The following GTF3C4 variants were observed in gnomAD, a reference collection of about 807,000 sequenced individuals.
GTF3C4 encodes general transcription factor IIIC subunit 4, also known as general transcription factor 3C polypeptide 4.
In GTF3C4, 28 loss-of-function variants were observed where a neutral mutation model predicts 67.5. That is an observed-to-expected ratio of 0.41 (90% CI 0.31 to 0.57). The LOEUF (loss-of-function observed/expected upper bound fraction) is 0.57. Among genes scored for constraint, GTF3C4 ranks in the 20% least tolerant of loss-of-function variants. The pLI is 0.21. For synonymous variants in GTF3C4, 409 were observed against 393.0 expected (o/e 1.04, Z -0.48); for missense variants, 831 against 1,033.2 (o/e 0.80, Z 2.68).
intron 1 of GTF3C4, among the ~76,000 whole-genome samples, chr9:132,675,647 G>C (rs1365266731): frequency 1.3e-5 from 2 of 152,150 alleles, no homozygotes; most frequent in Non-Finnish European, 2.9e-5. Flanking sequence ...GAGGCATTTA[G>C]TGTCCTCGTG....
chr9:132,678,302 C>A lies in GTF3C4; in HGVS notation c.683C>A (p.Ala228Asp). Residue 228 changes from alanine (A) to aspartate (D), a missense_variant, in exon 2 of 5, where the codon GCC (alanine) becomes GAC (aspartate). Physicochemically the swap from Ala to Asp is moderately radical, Grantham distance 126. Around this residue, in one of 4 missense-constraint regions of GTF3C4, gnomAD observed 390 missense variants for 540.3 expected, o/e 0.72. Coordinates refer to ENST00000372146, the MANE Select transcript of GTF3C4 (RefSeq NM_012204.4). The surrounding 1 kb of genome is among the most constrained non-coding windows in gnomAD (Gnocchi z 6.5). ...AGTTACAGGCTCTCTAAAAATGAGGCCCCGGAAGGAAATCTCGGGGATTTT... is the reference window on the plus strand; with the variant it reads ...AGTTACAGGCTCTCTAAAAATGAGGACCCGGAAGGAAATCTCGGGGATTTT... Reference protein sequence around the residue: ...ETSYRLSKNEAPEGNLGDFAE... With the variant: ...ETSYRLSKNEDPEGNLGDFAE... The A allele has an allele frequency of 6.2e-7, 1 of 1,614,130 alleles. No homozygotes were observed. Among genetic ancestry groups the A allele is most frequent in the Non-Finnish European group, 8.5e-7 (1 of 1,180,018 alleles).
chr9:132,670,891 C>A lies in GTF3C4; in HGVS notation c.293C>A (p.Pro98Gln). Residue 98 changes from proline to glutamine, a missense_variant, in exon 1 of 5, where the codon CCG becomes CAG. Transcript: ENST00000372146. ...VLELICDVHN[P>Q]GQDLVIHRTS... ...GAGCTCATCTGCGACGTGCACAACC[C>A]GGGCCAGGACCTGGTTATCCACCGC... The A allele has an allele frequency of 6.2e-7, 1 of 1,612,546 alleles. No homozygotes were observed. Among genetic ancestry groups the A allele is most frequent in the Non-Finnish European group, 8.5e-7 (1 of 1,179,936 alleles).
rs531627433 is a variant in GTF3C4, at chr9:132,674,478, C to T, written c.358-3499C>T. Among the ~76,000 whole-genome samples, 6 of 152,300 alleles carry T rather than the reference C, an allele frequency of 3.9e-5. No homozygotes were observed. In the East Asian group the frequency reaches 9.6e-4, roughly 24 times the overall value. The stretch of plus-strand genomic sequence containing the variant: ...GCTCTCCATCCTGTCAAGAATTCTT[C>T]CCACAATGAGTAGGACCAAGGGTTG... On this transcript the variant is annotated intron_variant, in intron 1 of 4. Transcript: ENST00000372146.
chr9:132,685,262 C>G (rs1445997128), intron 3 of GTF3C4, among the ~76,000 whole-genome samples: 1 of 151,788 alleles, frequency 6.6e-6, no homozygotes, highest in Admixed American at 6.6e-5. Flanking sequence ...CTCAAGTGAT[C>G]CACCCACCTT....
chr9:132,672,206 A>G (rs536213379), intron 1 of GTF3C4, among the ~76,000 whole-genome samples: 1 of 152,356 alleles, frequency 6.6e-6, no homozygotes, highest in South Asian at 2.1e-4. Flanking sequence ...AGGTGATTTA[A>G]AAGGTGTATC....
At position 132,678,993 on chromosome 9, in the gene GTF3C4, A is replaced by G; in HGVS notation, c.1374A>G (p.Ala458=). The G allele has an allele frequency of 1.9e-6, 3 of 1,614,206 alleles. No homozygotes were observed. Among genetic ancestry groups the G allele is most frequent in the Non-Finnish European group, 1.7e-6 (2 of 1,180,036 alleles). The part of the protein sequence containing the change: ...RQLIPIFTDV[A]LKFEHQLIKL... ...TGATTCCCATTTTCACAGATGTTGCATTGAAGTTTGAACACCAGTTGATTA... is the reference window on the plus strand; with the variant it reads ...TGATTCCCATTTTCACAGATGTTGCGTTGAAGTTTGAACACCAGTTGATTA... Residue 458 remains alanine (A), a synonymous_variant, in exon 2 of 5, where the codon GCA becomes GCG. Transcript: ENST00000372146. The surrounding 1 kb of genome is among the most constrained non-coding windows in gnomAD (Gnocchi z 6.5).
chr9:132,683,489 T>G, intron 2 of GTF3C4, 74 bp from the exon 3 acceptor site: 1 of 1,316,394 alleles, frequency 7.6e-7, no homozygotes, highest in Non-Finnish European at 1.1e-6. Context: ...TAATTTTCCC[T>G]TTGTGTTTGT....
rs1836085618 is a variant in GTF3C4 at position 132,689,707 on chromosome 9, C to T, written c.*762C>T. On this transcript the variant is annotated 3_prime_UTR_variant, in exon 5 of 5. Coordinates refer to ENST00000372146, the MANE Select transcript of GTF3C4 (RefSeq NM_012204.4). ...ACTGTAGTTCACCCACGCCACAGCCCTGCTTCAGACTTAACTGTGGTAGCC... is the reference window on the plus strand; with the variant it reads ...ACTGTAGTTCACCCACGCCACAGCCTTGCTTCAGACTTAACTGTGGTAGCC... 6.6e-6 allele frequency: 1 copy of T among 152,166 alleles called. No homozygotes were observed. Among genetic ancestry groups the T allele is most frequent in the African/African-American group, 2.4e-5 (1 of 41,420 alleles). 9.4% of individuals were successfully genotyped at this position (152,166 alleles called of 1,614,324 possible).
At position 132,683,691 on chromosome 9, in the gene GTF3C4, C is replaced by T. The variant is rs1835982477; in HGVS notation, c.2313C>T (p.Leu771=). 1.2e-6 allele frequency: 2 copies of T among 1,605,092 alleles called. No individual in the cohort carries two copies. The stretch of plus-strand genomic sequence containing the variant: ...TCTGTTCCAATGGCCACATTTGGCT[C>T]CGGTAAGCCATTTTAAAAGTTTCTA... The part of the protein sequence containing the change: ...QAVCSNGHIW[L]RCFLTYQSCQ... The change falls in exon 3 of 5, where the codon CTC becomes CTT. Residue 771 remains leucine (L), a splice_region_variant and synonymous_variant. Coordinates refer to ENST00000372146, the MANE Select transcript of GTF3C4 (RefSeq NM_012204.4).
upstream of GTF3C4, chr9:132,670,402 C>T (rs1292757974): frequency 1.8e-6 from 2 of 1,110,274 alleles, no homozygotes; most frequent in Non-Finnish European, 2.4e-6. Context: ...TGTCCTTTTT[C>T]TGGACAGGCA....
Position 132,691,358 on chromosome 9 carries a change from C to G in GTF3C4, c.*2413C>G, listed in dbSNP as rs979128367. On this transcript the variant is annotated 3_prime_UTR_variant, in exon 5 of 5. Coordinates refer to ENST00000372146, the MANE Select transcript of GTF3C4 (RefSeq NM_012204.4). Reference sequence around the variant, plus strand: ...CCAGACGTTTTTCAGGTGCCTCTTGCAATTCAAACTTACATCCTCTATACC... The same window carrying G: ...CCAGACGTTTTTCAGGTGCCTCTTGGAATTCAAACTTACATCCTCTATACC... 3 of 152,208 alleles carry G rather than the reference C, an allele frequency of 2.0e-5. No homozygotes were observed. In the South Asian group the frequency reaches 6.2e-4, roughly 32 times the overall value. The allele number at this position is 152,208 out of a possible 1,614,324, so 9.4% of individuals were successfully genotyped here. A position where few individuals can be genotyped will look rare whatever the true frequency, so the allele number is the denominator to read the frequency against.
In GTF3C4 at chr9:132,678,774, G is replaced by A. The variant is rs149313001; in HGVS notation, c.1155G>A (p.Lys385=). 5.6e-5 allele frequency: 90 copies of A among 1,614,154 alleles called. No individual in the cohort carries two copies. The African/African-American group carries it at 1.1e-3, about 20-fold the overall frequency. The change falls in exon 2 of 5, where the codon AAG becomes AAA. Residue 385 remains lysine, a synonymous_variant. Coordinates refer to ENST00000372146, the MANE Select transcript of GTF3C4 (RefSeq NM_012204.4). This position sits in a 1 kb window ranked among gnomAD's most constrained non-coding sequence, Gnocchi z 6.5. ...KCVPLYHPYQ[K]CSCSLVVAAR... ...TGCCACTTTATCATCCTTACCAGAA[G>A]TGTAGTTGCAGCTTAGTAGTGGCTG...
In GTF3C4 at chr9:132,694,834, C is replaced by T. The variant is rs946231890; in HGVS notation, c.*5889C>T. 1 of 152,174 alleles carries T rather than the reference C, an allele frequency of 6.6e-6. No homozygotes were observed. The highest frequency in any genetic ancestry group is 2.4e-5 in the African/African-American group (1 of 41,430). The allele number at this position is 152,174 out of a possible 1,614,324, so 9.4% of individuals were successfully genotyped here. On this transcript the variant is annotated 3_prime_UTR_variant, in exon 5 of 5. Coordinates refer to ENST00000372146, the MANE Select transcript of GTF3C4 (RefSeq NM_012204.4). ...GTTGCTGTGAATATGTAGTGCTGTA[C>T]ATAATGGCAGTTTTGTAAATGTGAG...
In GTF3C4 at chr9:132,693,771, C is replaced by G. The variant is rs1836155273; in HGVS notation, c.*4826C>G. 1 of 152,154 alleles carries G rather than the reference C, an allele frequency of 6.6e-6. No individual in the cohort carries two copies. Among genetic ancestry groups the G allele is most frequent in the African/African-American group, 2.4e-5 (1 of 41,438 alleles). 9.4% of individuals were successfully genotyped at this position (152,154 alleles called of 1,614,324 possible). ...GCAGACTGGTAAGGTTTAGGGTTCT[C>G]TCCACTAATGGAAAATTAAATGCTA... is the stretch of plus-strand genomic sequence containing the variant. On this transcript the variant is annotated 3_prime_UTR_variant, in exon 5 of 5. Coordinates refer to ENST00000372146, the MANE Select transcript of GTF3C4 (RefSeq NM_012204.4).
chr9:132,675,706 G>C (rs1265314077), intron 1 of GTF3C4, among the ~76,000 whole-genome samples: 2 of 152,136 alleles, frequency 1.3e-5, no homozygotes, highest in Non-Finnish European at 2.9e-5. Context: ...TCCAAAGCTT[G>C]TTTGGCCATA....
chr9:132,681,131 C>T (rs1378000608), intron 2 of GTF3C4, among the ~76,000 whole-genome samples: 1 of 152,166 alleles, frequency 6.6e-6, no homozygotes, highest in Non-Finnish European at 1.5e-5. Context: ...AACGTTGTTT[C>T]ATTGTGTTCC....
At chr9:132,672,642 C>A (rs187918662) in intron 1 of GTF3C4, among the ~76,000 whole-genome samples, 1 of 152,260 alleles carries the variant, frequency 6.6e-6, no homozygotes, top group East Asian at 1.9e-4. Context: ...TCTAGGAAGT[C>A]TTTAAGATGC....
At chr9:132,671,454 T>G (rs548794102) in intron 1 of GTF3C4, among the ~76,000 whole-genome samples, 1 of 152,320 alleles carries the variant, frequency 6.6e-6, no homozygotes, top group South Asian at 2.1e-4. Context: ...TTGTCTTAAT[T>G]GTTTCAGTGA....
intron 3 of GTF3C4, among the ~76,000 whole-genome samples, chr9:132,685,970 A>G (rs970529475): frequency 7.2e-5 from 11 of 152,254 alleles, no homozygotes; most frequent in African/African-American, 2.2e-4. Flanking sequence ...TAATGATGCA[A>G]GAAGAGACAG....
Sources: gnomAD v4.1 joint callset for allele counts (sites outside exome capture counted in the v4.1 genomes callset) on GRCh38, gnomAD v4.1.1 for gene constraint, gnomAD v4.1.1 regional missense constraint, Gnocchi (gnomAD v3.1) non-coding constraint, MANE v1.5 for transcripts, NCBI Gene and HGNC (gene_info 2026-07-23, HGNC 2026-07-21) for gene names.